DUS1L: variants seen among roughly 807,000 people sequenced by gnomAD.
DUS1L encodes the protein dihydrouridine synthase 1 like.
A neutral mutation model predicts 61.2 loss-of-function variants in DUS1L; 56 were observed. The ratio of observed to expected loss-of-function variants is 0.92; its 90% CI spans 0.74 to 1.14. The LOEUF (loss-of-function observed/expected upper bound fraction) is 1.14, where lower values mean the gene tolerates loss of function less well. DUS1L is among the 50% of genes most tolerant of loss of function. The pLI, the probability that DUS1L is intolerant of heterozygous loss-of-function variation, is 0.00. For missense variants in DUS1L, 630 were observed against 632.4 expected (o/e 1.00, Z 0.04); for synonymous variants, 278 against 259.5 (o/e 1.07, Z -0.69).
Position 82,064,246 on chromosome 17 carries a change from G to A in DUS1L, c.238-12C>T, listed in dbSNP as rs774076496. On this transcript the variant is annotated splice_polypyrimidine_tract_variant and intron_variant, in intron 2 of 13. Coordinates refer to ENST00000306796, the MANE Select transcript of DUS1L (RefSeq NM_022156.5). Reference sequence around the variant, plus strand: ...TCATTGGCACAGAACTGGAGAAGATGCAGGAGTCAGCCACGGGCCCAGCCA... The same window carrying A: ...TCATTGGCACAGAACTGGAGAAGATACAGGAGTCAGCCACGGGCCCAGCCA... 2.5e-6 allele frequency: 4 copies of A among 1,607,328 alleles called. No homozygotes were observed. Among genetic ancestry groups the A allele is most frequent in the African/African-American group, 2.7e-5 (2 of 74,870 alleles).
At chr17:82,063,241 T>C (rs2033598408) in intron 4 of DUS1L, 1 of 650,562 alleles carries the variant, frequency 1.5e-6, no homozygotes, top group African/African-American at 1.8e-5. Flanking sequence ...GCAAGGACTC[T>C]GCCCTGGCAC....
chr17:82,059,271 G>GC (rs1555659524), intron 11 of DUS1L: 3 of 86,504 alleles, frequency 3.5e-5, no homozygotes, highest in Non-Finnish European at 8.3e-5. Flanking sequence ...GTGGCCTGGT[G>GC]GGGGGCAGTG....
chr17:82,061,829 C>T, intron 6 of DUS1L, 72 bp downstream of exon 6: 4 of 1,589,890 alleles, frequency 2.5e-6, no homozygotes, highest in Non-Finnish European at 3.4e-6. Context: ...GTGCCGAGCA[C>T]CCTGAGGTGT....
rs946139200 is a variant in DUS1L, at chr17:82,061,889, A to C, written c.593+12T>G. 2.5e-6 allele frequency: 4 copies of C among 1,601,958 alleles called. No homozygotes were observed. The highest frequency in any genetic ancestry group is 1.3e-5 in the African/African-American group (1 of 74,840). On this transcript the variant is annotated intron_variant, in intron 6 of 13. Coordinates refer to ENST00000306796, the MANE Select transcript of DUS1L (RefSeq NM_022156.5). ...CCAAGGACTGAGGGCTGTGTCACCC[A>C]CACCCACTCACCGCACAGCCTTGAT...
chr17:82,061,112 T>C, intron 8 of DUS1L, 97 bp downstream of exon 8: 1 of 1,551,232 alleles, frequency 6.4e-7, no homozygotes, highest in South Asian at 1.2e-5. Context: ...TAGCAGCAAG[T>C]TGTTTTGACA....
chr17:82,060,106 C>A lies in DUS1L; in HGVS notation c.1023-13G>T. ...CCCCTCCCTGGGCCTGAGGGGAGGGCAGCGGGCAGAGCCCAAGGACACTGT... is the reference window on the plus strand; with the variant it reads ...CCCCTCCCTGGGCCTGAGGGGAGGGAAGCGGGCAGAGCCCAAGGACACTGT... On this transcript the variant is annotated splice_polypyrimidine_tract_variant and intron_variant, in intron 10 of 13. Coordinates refer to ENST00000306796, the MANE Select transcript of DUS1L (RefSeq NM_022156.5). 1 of 1,610,316 alleles carries A rather than the reference C, an allele frequency of 6.2e-7. No individual in the cohort carries two copies. The highest frequency in any genetic ancestry group is 8.5e-7 in the Non-Finnish European group (1 of 1,178,776).
chr17:82,062,568 G>A (rs79943704), intron 5 of DUS1L, among the ~76,000 whole-genome samples: 3,535 of 152,394 alleles, frequency 0.023, 143 homozygotes, highest in African/African-American at 0.081. Context: ...TGGATGCTGA[G>A]TATCCCCAAA....
chr17:82,063,349 T>G (rs1598558828), intron 4 of DUS1L, 119 bp downstream of exon 4: 2 of 1,387,812 alleles, frequency 1.4e-6, no homozygotes. Flanking sequence ...AGCCCCAGGG[T>G]GATGCTGAGA....
At position 82,058,432 on chromosome 17, in the gene DUS1L, C is replaced by T. The variant is rs1465211604; in HGVS notation, c.1207-16G>A. The T allele has an allele frequency of 1.4e-6, 2 of 1,481,026 alleles. No individual in the cohort carries two copies. The highest frequency in any genetic ancestry group is 1.4e-5 in the African/African-American group (1 of 71,144). 91.7% of individuals were successfully genotyped at this position (1,481,026 alleles called of 1,614,324 possible). A position where few individuals can be genotyped will look rare whatever the true frequency, so the allele number is the denominator to read the frequency against. On this transcript the variant is annotated splice_polypyrimidine_tract_variant and intron_variant, in intron 12 of 13. Coordinates refer to ENST00000306796, the MANE Select transcript of DUS1L (RefSeq NM_022156.5). ...ATCTGTTGCCCTGGGCACAGGAAAT[C>T]TCGGGAGCCTGTGGCCAGCACCACT...
intron 5 of DUS1L, among the ~76,000 whole-genome samples, chr17:82,062,418 GGTGA>G (rs1460128033): frequency 1.3e-5 from 2 of 152,228 alleles, no homozygotes; most frequent in Admixed American, 6.5e-5. Flanking sequence ...ACCTTCAGAA[GGTGA>G]GTGTCTTGAG....
intron 11 of DUS1L, 28 bp downstream of exon 11, chr17:82,059,920 C>G (rs745815887): frequency 6.2e-7 from 1 of 1,613,358 alleles, no homozygotes; most frequent in Non-Finnish European, 8.5e-7. Flanking sequence ...GAGGCTCTCT[C>G]GGGCCCATCA....
chr17:82,064,763 C>G, intron 2 of DUS1L, 60 bp downstream of exon 2: 1 of 1,469,228 alleles, frequency 6.8e-7, no homozygotes, highest in Non-Finnish European at 9.1e-7. Flanking sequence ...AGGGTTTTTC[C>G]CCAGGCATTC....
At chr17:82,064,575 A>G (rs572916788) in intron 2 of DUS1L, among the ~76,000 whole-genome samples, 1 of 152,348 alleles carries the variant, frequency 6.6e-6, no homozygotes, top group South Asian at 2.1e-4. Flanking sequence ...AGGCTGCCTG[A>G]GCCACTCCTA....
intron 11 of DUS1L, chr17:82,059,661 C>T (rs752759322): frequency 1.6e-5 from 7 of 445,728 alleles, no homozygotes; most frequent in Admixed American, 3.5e-5. Flanking sequence ...GCCGCAGGGA[C>T]CCGAGGCCCT....
At chr17:82,059,885 C>A in intron 11 of DUS1L, 63 bp downstream of exon 11, 1 of 1,598,834 alleles carries the variant, frequency 6.3e-7, no homozygotes, top group Non-Finnish European at 8.6e-7. Flanking sequence ...CTGTTACTGG[C>A]AACAGGGAGG....
chr17:82,065,258 C>T (rs904142753), intron 1 of DUS1L, 189 bp from the exon 2 acceptor site: 6 of 560,894 alleles, frequency 1.1e-5, no homozygotes, highest in Non-Finnish European at 1.9e-5. Flanking sequence ...CCTAGCGGAC[C>T]TCGGGGGAGC....
intron 5 of DUS1L, 58 bp from the exon 6 acceptor site, chr17:82,062,041 C>T: frequency 1.4e-6 from 2 of 1,452,558 alleles, no homozygotes; most frequent in Non-Finnish European, 1.8e-6. Context: ...CTCAGAGCCC[C>T]CTCCGCCCCT....
chr17:82,060,531 C>G (rs2033431010), intron 10 of DUS1L, 170 bp downstream of exon 10: 5 of 791,854 alleles, frequency 6.3e-6, no homozygotes, highest in Non-Finnish European at 9.8e-6. Context: ...CCGAGGGGCA[C>G]GTGGAAGGTG....
At position 82,064,864 on chromosome 17, in the gene DUS1L, A is replaced by G. The variant is rs767926598; in HGVS notation, c.196T>C (p.Tyr66His). 4.8e-5 allele frequency: 78 copies of G among 1,612,330 alleles called. 1 individual carries two copies. In the South Asian group the frequency reaches 8.1e-4, roughly 17 times the overall value. Residue 66 changes from tyrosine to histidine, a missense_variant, in exon 2 of 14, where the codon TAC (tyrosine) becomes CAC (histidine). By Grantham distance (83) the Tyr-to-His change is moderately conservative. Transcript: ENST00000306796. ...RDANYRKENL[Y>H]CEVCPEDRPL... The stretch of plus-strand genomic sequence containing the variant: ...CGGTCCTCGGGGCACACCTCGCAGT[A>G]CAGGTTCTCCTTCCGGTAGTTGGCG...
Sources: allele counts gnomAD v4.1 joint callset (sites outside exome capture counted in the v4.1 genomes callset), GRCh38; gene constraint gnomAD v4.1.1; transcripts MANE v1.5; gene names NCBI Gene and HGNC (gene_info 2026-07-23, HGNC 2026-07-21).